The following TTLL11 variants were observed in gnomAD, a reference collection of about 807,000 sequenced individuals.
The protein encoded by TTLL11 is tubulin tyrosine ligase like 11, also known as tubulin polyglutamylase TTLL11.
A neutral mutation model predicts 51.7 loss-of-function variants in TTLL11; 42 were observed. The observed-to-expected ratio is 0.81, with a 90% CI of 0.64 to 1.05. The LOEUF is 1.05. Ranked by LOEUF, TTLL11 falls within the 50% of genes least tolerant of loss-of-function variation. The pLI is 0.00. For synonymous variants in TTLL11, 381 were observed against 383.5 expected (o/e 0.99, Z 0.08); for missense variants, 799 against 940.4 (o/e 0.85, Z 1.97).
At chr9:121,987,543 C>T (rs545160740) in intron 4 of TTLL11, among the ~76,000 whole-genome samples, 2 of 152,258 alleles carry the variant, frequency 1.3e-5, no homozygotes, top group South Asian at 4.2e-4. Context: ...CAGACTCTGG[C>T]CCTGGCTCCA....
In TTLL11 at chr9:121,842,378, A is replaced by G. The variant is rs565153949; in HGVS notation, c.1840+17959T>C. Among the ~76,000 whole-genome samples, 13 of 152,058 alleles carry G rather than the reference A, an allele frequency of 8.5e-5. No homozygotes were observed. The South Asian group carries it at 2.7e-3, about 32-fold the overall frequency. On this transcript the variant is annotated intron_variant, in intron 8 of 8. Coordinates refer to ENST00000321582, the MANE Select transcript of TTLL11 (RefSeq NM_001139442.2). ...GCTCAAGCAATCCTCCTGCCCCAGC[A>G]TTCTAAGTAACCAGGATTATAGGTG...
chr9:121,876,864 T>C (rs1034100724), intron 6 of TTLL11, among the ~76,000 whole-genome samples: 1 of 152,130 alleles, frequency 6.6e-6, no homozygotes, highest in Admixed American at 6.5e-5. Context: ...GGCTGGGCAG[T>C]CTGTTGTAGC....
intron 3 of TTLL11, among the ~76,000 whole-genome samples, chr9:122,008,918 A>C (rs528213170): frequency 2.0e-5 from 3 of 152,380 alleles, no homozygotes; most frequent in African/African-American, 7.2e-5. Flanking sequence ...GAAGGACGTT[A>C]AGCGAAATAA....
chr9:121,969,366 G>C (rs1040681234), intron 6 of TTLL11, among the ~76,000 whole-genome samples: 1 of 152,010 alleles, frequency 6.6e-6, no homozygotes, highest in Non-Finnish European at 1.5e-5. Flanking sequence ...TTCTTCCCCC[G>C]GTAGACTGCC....
chr9:121,941,322 GCT>G (rs1260945258), intron 6 of TTLL11, among the ~76,000 whole-genome samples: 1 of 152,162 alleles, frequency 6.6e-6, no homozygotes, highest in Non-Finnish European at 1.5e-5. Flanking sequence ...CCTCTCTTGG[GCT>G]TTCCACTGGT....
In TTLL11 at chr9:121,826,549, A is replaced by ATATATATGTG. The variant is rs1564260583; in HGVS notation, c.1841-3671_1841-3670insCACATATATA. ...TATATGTGTGTGTGTATATATATAT[A>ATATATATGTG]TGTGTGTGTATATATATATATATAT... On this transcript the variant is annotated intron_variant, in intron 8 of 8. Transcript: ENST00000321582. 5.4e-3 allele frequency among the ~76,000 whole-genome samples: 164 copies of ATATATATGTG among 30,094 alleles called. 10 individuals carry two copies. The highest frequency in any genetic ancestry group is 0.017 in the African/African-American group (157 of 9,268). 19.7% of individuals were successfully genotyped at this position (30,094 alleles called of 152,430 possible).
intron 1 of TTLL11, among the ~76,000 whole-genome samples, chr9:122,072,017 T>C (rs1437679165): frequency 6.6e-6 from 1 of 152,142 alleles, no homozygotes; most frequent in East Asian, 1.9e-4. Flanking sequence ...CAGATGGGTC[T>C]TTCTAATATA....
At chr9:122,065,153 G>C (rs1236862065) in intron 1 of TTLL11, among the ~76,000 whole-genome samples, 3 of 152,176 alleles carry the variant, frequency 2.0e-5, no homozygotes, top group Non-Finnish European at 4.4e-5. Flanking sequence ...AATGCCCCAG[G>C]TGATTCTTAG....
intron 8 of TTLL11, among the ~76,000 whole-genome samples, chr9:121,842,479 C>T (rs115903212): frequency 0.026 from 3,886 of 151,868 alleles, 103 homozygotes; most frequent in African/African-American, 0.073. Context: ...CTATGTTTCC[C>T]AGGCTGGTCA....
rs553213358 is a variant in TTLL11, at chr9:122,067,204, T to C, written c.462+25483A>G. The stretch of plus-strand genomic sequence containing the variant: ...TTCTTTGTTTGGAAAACAGGAATAA[T>C]AATTGCACCTCAAAGGATTTGTAAG... On this transcript the variant is annotated intron_variant, in intron 1 of 8. Transcript: ENST00000321582. 3.5e-4 allele frequency among the ~76,000 whole-genome samples: 54 copies of C among 152,314 alleles called. No individual in the cohort carries two copies. The East Asian group carries it at 6.9e-3, about 20-fold the overall frequency.
intron 3 of TTLL11, among the ~76,000 whole-genome samples, chr9:122,006,553 T>G (rs1213599000): frequency 6.6e-6 from 1 of 152,200 alleles, no homozygotes; most frequent in Non-Finnish European, 1.5e-5. Flanking sequence ...CTATAATAAC[T>G]AATCAAATAT....
Position 121,890,530 on chromosome 9 carries a change from G to C in TTLL11, c.1482-19782C>G, listed in dbSNP as rs956985839. Among the ~76,000 whole-genome samples the C allele has an allele frequency of 6.6e-6, 1 of 152,114 alleles. No homozygotes were observed. Among genetic ancestry groups the C allele is most frequent in the African/African-American group, 2.4e-5 (1 of 41,432 alleles). ...TCCCCCAAGCACTCTGCTTACAAGT[G>C]CAGCCCACAATCTTCCCAGCCCTCC... On this transcript the variant is annotated intron_variant, in intron 6 of 8. Transcript: ENST00000321582. This position sits in a 1 kb window ranked among gnomAD's most constrained non-coding sequence, Gnocchi z 4.3.
chr9:121,906,485 G>C (rs1426697750), intron 6 of TTLL11, among the ~76,000 whole-genome samples: 1 of 152,072 alleles, frequency 6.6e-6, no homozygotes, highest in East Asian at 1.9e-4. Context: ...ACAGTTATTT[G>C]TTCAAGTCTC....
At chr9:122,003,450 G>T (rs1843542567) in intron 3 of TTLL11, among the ~76,000 whole-genome samples, 1 of 147,312 alleles carries the variant, frequency 6.8e-6, no homozygotes. Context: ...TTACTTTTTT[G>T]CCTTCAACTT....
chr9:121,961,456 C>A (rs1236831906), intron 6 of TTLL11, among the ~76,000 whole-genome samples: 1 of 152,044 alleles, frequency 6.6e-6, no homozygotes, highest in Non-Finnish European at 1.5e-5. Context: ...GGAATCTCTG[C>A]CCTATTTATG....
At chr9:121,923,575 G>T (rs1840615188) in intron 6 of TTLL11, among the ~76,000 whole-genome samples, 1 of 152,180 alleles carries the variant, frequency 6.6e-6, no homozygotes, top group Non-Finnish European at 1.5e-5. Context: ...GCCAGGCATT[G>T]TTCCAGGTGC....
rs1057495025 is a variant in TTLL11 at position 122,093,265 on chromosome 9, G to A, written c.-117C>T. 3 of 1,540,626 alleles carry A rather than the reference G, an allele frequency of 1.9e-6. No individual in the cohort carries two copies. The highest frequency in any genetic ancestry group is 1.8e-4 in the Middle Eastern group (1 of 5,706). ...CCGCTGCCACGCGTTCCCCGCCCGAGCCCGTTGCCATGATCGCTCAGGCTC... is the reference window on the plus strand; with the variant it reads ...CCGCTGCCACGCGTTCCCCGCCCGAACCCGTTGCCATGATCGCTCAGGCTC... On this transcript the variant is annotated 5_prime_UTR_variant, in exon 1 of 9. Transcript: ENST00000321582.
chr9:121,819,091 A>G lies in TTLL11; in HGVS notation c.*3496T>C, dbSNP rs10985403. ...GGAAGCCAGGTGGTTTGTTTTAGGG[A>G]TGGATGCTGCTCTCTCCTGGAGGCC... On this transcript the variant is annotated 3_prime_UTR_variant, in exon 9 of 9. Transcript: ENST00000321582. 0.4 allele frequency: 60,978 copies of G among 152,392 alleles called. 13,198 individuals are homozygous for G. Among genetic ancestry groups the G allele is most frequent in the African/African-American group, 0.57 (23,604 of 41,414 alleles). The allele number at this position is 152,392 out of a possible 1,614,324, so 9.4% of individuals were successfully genotyped here.
chr9:121,836,891 C>A (rs143463399), intron 8 of TTLL11, among the ~76,000 whole-genome samples: 2 of 152,190 alleles, frequency 1.3e-5, no homozygotes, highest in Admixed American at 1.3e-4. Context: ...CTCTGCCTTG[C>A]GACCTCCAAT....
Sources: gnomAD v4.1 joint callset for allele counts (sites outside exome capture counted in the v4.1 genomes callset) on GRCh38, gnomAD v4.1.1 for gene constraint, Gnocchi (gnomAD v3.1) non-coding constraint, MANE v1.5 for transcripts, NCBI Gene and HGNC (gene_info 2026-07-23, HGNC 2026-07-21) for gene names.